Variants in PXDNL observed in about 807,000 individuals in gnomAD.
PXDNL encodes the protein peroxidasin like.
A neutral mutation model predicts 150.8 loss-of-function variants in PXDNL; 145 were observed. That is an observed-to-expected ratio of 0.96 (90% CI 0.84 to 1.10). PXDNL has a LOEUF of 1.10. PXDNL is among the 50% of genes least tolerant of loss of function. The pLI, the probability that PXDNL is intolerant of heterozygous loss-of-function variation, is 0.00. For synonymous variants in PXDNL, 757 were observed against 725.7 expected (o/e 1.04, Z -0.69); for missense variants, 2,087 against 1,873.9 (o/e 1.11, Z -2.10).
chr8:51,610,693 G>C (rs914260272), intron 2 of PXDNL, among the ~76,000 whole-genome samples: 13 of 152,152 alleles, frequency 8.5e-5, no homozygotes, highest in African/African-American at 3.1e-4. Context: ...TTGTTGGCCA[G>C]GCTGAATTCC....
intron 1 of PXDNL, among the ~76,000 whole-genome samples, chr8:51,765,611 T>C (rs2037219982): frequency 1.3e-5 from 2 of 152,220 alleles, no homozygotes; most frequent in Admixed American, 1.3e-4. Flanking sequence ...GCCTTTTAAT[T>C]AAATGTTTAA....
chr8:51,664,215 A>C (rs1815334499), intron 1 of PXDNL, among the ~76,000 whole-genome samples: 1 of 152,202 alleles, frequency 6.6e-6, no homozygotes, highest in African/African-American at 2.4e-5. Context: ...CTCGGAGGTC[A>C]TCATATACCA....
At chr8:51,325,815 C>A (rs1805466253) in intron 21 of PXDNL, among the ~76,000 whole-genome samples, 1 of 152,186 alleles carries the variant, frequency 6.6e-6, no homozygotes, top group African/African-American at 2.4e-5. Context: ...CCTCAGTATA[C>A]CCTGGGGAGA....
At chr8:51,652,804 C>T (rs576150249) in intron 2 of PXDNL, among the ~76,000 whole-genome samples, 28 of 152,222 alleles carry the variant, frequency 1.8e-4, no homozygotes, top group African/African-American at 6.0e-4. Context: ...TATTTTATTA[C>T]GGTTTTCTAA....
chr8:51,377,871 A>G (rs1042163505), intron 17 of PXDNL, among the ~76,000 whole-genome samples: 1 of 152,188 alleles, frequency 6.6e-6, no homozygotes, highest in Non-Finnish European at 1.5e-5. Flanking sequence ...CCACAGCACC[A>G]GGTCCCATCA....
At chr8:51,538,113 G>A (rs2130468530) in intron 4 of PXDNL, among the ~76,000 whole-genome samples, 1 of 152,326 alleles carries the variant, frequency 6.6e-6, no homozygotes, top group African/African-American at 2.4e-5. Flanking sequence ...GGAATACGGT[G>A]AAATTGCAAT....
rs143122085 is a variant in PXDNL, at chr8:51,773,679, A to G, written c.164+35502T>C. On this transcript the variant is annotated intron_variant, in intron 1 of 22. Transcript: ENST00000356297. ...AAATGAAGTCAAATTACTTTGCTACAGTTTTACAATGCTAGTTACTTTTAT... is the reference window on the plus strand; with the variant it reads ...AAATGAAGTCAAATTACTTTGCTACGGTTTTACAATGCTAGTTACTTTTAT... Among the ~76,000 whole-genome samples the G allele has an allele frequency of 1.5e-3, 221 of 152,386 alleles. 1 individual carries two copies. The highest frequency in any genetic ancestry group is 5.1e-3 in the African/African-American group (211 of 41,600).
chr8:51,798,070 A>G (rs1451700254), intron 1 of PXDNL, among the ~76,000 whole-genome samples: 3 of 152,194 alleles, frequency 2.0e-5, no homozygotes, highest in Non-Finnish European at 4.4e-5. Context: ...AAAACAAGCA[A>G]TGGGGGAAGG....
intron 21 of PXDNL, among the ~76,000 whole-genome samples, chr8:51,332,156 C>T (rs1805707972): frequency 1.3e-5 from 2 of 152,204 alleles, no homozygotes; most frequent in South Asian, 4.1e-4. Flanking sequence ...TCACAGATTT[C>T]TGTGCAGAAA....
intron 3 of PXDNL, among the ~76,000 whole-genome samples, chr8:51,559,966 A>G (rs1812686880): frequency 6.6e-6 from 1 of 152,078 alleles, no homozygotes; most frequent in Non-Finnish European, 1.5e-5. Flanking sequence ...AACAAATCTG[A>G]TACTAAATTT....
chr8:51,495,338 A>G (rs1210171778), intron 5 of PXDNL, among the ~76,000 whole-genome samples: 5 of 152,222 alleles, frequency 3.3e-5, no homozygotes, highest in African/African-American at 9.6e-5. Flanking sequence ...AGAAAGATCT[A>G]AAATTGACAC....
intron 4 of PXDNL, among the ~76,000 whole-genome samples, chr8:51,549,145 T>A (rs920457890): frequency 4.6e-5 from 7 of 152,120 alleles, no homozygotes; most frequent in African/African-American, 1.7e-4. Flanking sequence ...TTTAAATACA[T>A]ATGCACATAA....
intron 18 of PXDNL, among the ~76,000 whole-genome samples, chr8:51,374,045 G>A (rs1807217831): frequency 3.3e-5 from 5 of 152,288 alleles, no homozygotes; most frequent in Middle Eastern, 6.8e-3. Context: ...AGAAATTTTA[G>A]AGAAGAGTTC....
chr8:51,378,979 A>G (rs745433790), intron 17 of PXDNL, among the ~76,000 whole-genome samples: 4 of 152,212 alleles, frequency 2.6e-5, no homozygotes, highest in African/African-American at 4.8e-5. Flanking sequence ...TGGACACACA[A>G]TCACAGCTCA....
chr8:51,542,878 A>C (rs1403407306), intron 4 of PXDNL, among the ~76,000 whole-genome samples: 1 of 152,152 alleles, frequency 6.6e-6, no homozygotes, highest in Non-Finnish European at 1.5e-5. Context: ...AACAAAGGCC[A>C]AAAGAATTAA....
At chr8:51,676,952 A>G (rs534819370) in intron 1 of PXDNL, among the ~76,000 whole-genome samples, 1 of 152,284 alleles carries the variant, frequency 6.6e-6, no homozygotes, top group South Asian at 2.1e-4. Context: ...AGCTCCTGAA[A>G]TGGGTCAAGA....
intron 12 of PXDNL, among the ~76,000 whole-genome samples, chr8:51,443,499 A>G (rs541767467): frequency 6.6e-5 from 10 of 152,292 alleles, no homozygotes; most frequent in Non-Finnish European, 1.3e-4. Flanking sequence ...ATTATTGACA[A>G]GCACTAAGAG....
intron 2 of PXDNL, among the ~76,000 whole-genome samples, chr8:51,630,210 G>T (rs1024747936): frequency 1.3e-5 from 2 of 152,122 alleles, no homozygotes; most frequent in African/African-American, 2.4e-5. Flanking sequence ...AATAAATAAT[G>T]CTGGGATAAC....
chr8:51,588,824 A>G (rs1813380889), intron 3 of PXDNL, among the ~76,000 whole-genome samples: 1 of 152,188 alleles, frequency 6.6e-6, no homozygotes, highest in Non-Finnish European at 1.5e-5. Context: ...ACTAATGAGG[A>G]GCAGGCTTTG....
Sources: allele counts gnomAD v4.1 joint callset (sites outside exome capture counted in the v4.1 genomes callset), GRCh38; gene constraint gnomAD v4.1.1; transcripts MANE v1.5; gene names NCBI Gene and HGNC (gene_info 2026-07-23, HGNC 2026-07-21).